The following AGMO variants were observed in gnomAD, a reference collection of about 807,000 sequenced individuals.
AGMO encodes alkylglycerol monooxygenase.
In AGMO, 75 loss-of-function variants were observed where a neutral mutation model predicts 60.2. That is an observed-to-expected ratio of 1.25 (90% CI 1.03 to 1.51). The LOEUF is 1.51. Among genes scored for constraint, AGMO ranks in the 40% most tolerant of loss-of-function variants. The pLI, the probability that AGMO is intolerant of heterozygous loss-of-function variation, is 0.00. For synonymous variants in AGMO, 261 were observed against 177.1 expected (o/e 1.47, Z -3.76); for missense variants, 763 against 525.5 (o/e 1.45, Z -4.42).
chr7:15,357,225 G>GTGTC (rs962770210), intron 12 of AGMO, among the ~76,000 whole-genome samples: 3 of 147,614 alleles, frequency 2.0e-5, no homozygotes, highest in African/African-American at 7.6e-5. Context: ...GTGTGTGTGT[G>GTGTC]TGTTTCACCT....
At chr7:15,252,941 T>G (rs1782981256) in intron 12 of AGMO, among the ~76,000 whole-genome samples, 1 of 152,172 alleles carries the variant, frequency 6.6e-6, no homozygotes, top group Admixed American at 6.5e-5. Context: ...ATCCACTATG[T>G]CAAATGCTGG....
Position 15,360,612 on chromosome 7 carries a change from G to C in AGMO, c.1263+4902C>G, listed in dbSNP as rs544935479. Among the ~76,000 whole-genome samples the C allele has an allele frequency of 2.0e-5, 3 of 152,194 alleles. No homozygotes were observed. In the South Asian group the frequency reaches 6.2e-4, roughly 32 times the overall value. On this transcript the variant is annotated intron_variant, in intron 12 of 12. Transcript: ENST00000342526. ...AGGAGGAAGAGGTGGGTTTGGCCTT[G>C]CTATCTCAGGAGTGGCAGAGGTTGG...
intron 3 of AGMO, among the ~76,000 whole-genome samples, chr7:15,495,729 G>C (rs1783204019): frequency 2.0e-5 from 3 of 152,004 alleles, no homozygotes; most frequent in African/African-American, 7.2e-5. Flanking sequence ...AGATTTGGTT[G>C]CTAGTAAGGC....
intron 12 of AGMO, among the ~76,000 whole-genome samples, chr7:15,261,177 A>G (rs1166147766): frequency 6.6e-5 from 10 of 152,098 alleles, no homozygotes; most frequent in Non-Finnish European, 1.5e-4. Flanking sequence ...GAACTAAATG[A>G]AATTGAAACA....
At chr7:15,480,659 G>A (rs1404336062) in intron 3 of AGMO, among the ~76,000 whole-genome samples, 1 of 152,092 alleles carries the variant, frequency 6.6e-6, no homozygotes, top group East Asian at 1.9e-4. Context: ...AAACACGTTT[G>A]GATGAAACTT....
intron 10 of AGMO, among the ~76,000 whole-genome samples, chr7:15,371,901 G>C (rs1167360372): frequency 1.4e-5 from 2 of 145,834 alleles, no homozygotes; most frequent in Non-Finnish European, 3.0e-5. Flanking sequence ...TCAATCAATA[G>C]TTTAATATTA....
chr7:15,454,746 A>C (rs1223848968), intron 3 of AGMO, among the ~76,000 whole-genome samples: 1 of 151,930 alleles, frequency 6.6e-6, no homozygotes, highest in Non-Finnish European at 1.5e-5. Flanking sequence ...AAAAGCTTTG[A>C]CTCTTCTATC....
chr7:15,372,435 G>T lies in AGMO; in HGVS notation c.1075-6213C>A, dbSNP rs562136238. 1.2e-3 allele frequency among the ~76,000 whole-genome samples: 178 copies of T among 152,172 alleles called. 1 individual carries two copies. The highest frequency in any genetic ancestry group is 4.2e-3 in the African/African-American group (175 of 41,526). ...CATGCCATTGCACTCCAGCCTGTGC[G>T]TCACAGCGAGACTCTGTCTCAAAAA... On this transcript the variant is annotated intron_variant, in intron 10 of 12. Transcript: ENST00000342526.
At chr7:15,392,331 A>G (rs1435551666) in intron 6 of AGMO, among the ~76,000 whole-genome samples, 2 of 138,670 alleles carry the variant, frequency 1.4e-5, no homozygotes, top group African/African-American at 5.6e-5. Context: ...TCCGCCTCCC[A>G]AAGTGTTGGG....
At chr7:15,163,306 C>T in the AGMO span, among the ~76,000 whole-genome samples, 1 of 152,080 alleles carries the variant, frequency 6.6e-6, no homozygotes, top group Admixed American at 6.6e-5. Flanking sequence ...AATTTGCATG[C>T]TTTTTATTTC....
chr7:15,540,682 C>G (rs541600825), intron 3 of AGMO, among the ~76,000 whole-genome samples: 6 of 152,116 alleles, frequency 3.9e-5, no homozygotes, highest in African/African-American at 1.4e-4. Flanking sequence ...GACACTGATA[C>G]AGTTAAAAAC....
chr7:15,556,173 C>T (rs1455764385), intron 2 of AGMO, among the ~76,000 whole-genome samples: 1 of 150,314 alleles, frequency 6.7e-6, no homozygotes, highest in African/African-American at 2.4e-5. Flanking sequence ...GGCCCCACCC[C>T]AAAGAGTCAA....
At chr7:15,247,661 A>G (rs1446932655) in intron 12 of AGMO, among the ~76,000 whole-genome samples, 1 of 152,222 alleles carries the variant, frequency 6.6e-6, no homozygotes, top group Non-Finnish European at 1.5e-5. Context: ...AAAGAAAAGG[A>G]GCATATTCTG....
At chr7:15,391,524 A>G (rs10240457) in intron 6 of AGMO, among the ~76,000 whole-genome samples, 82,565 of 151,950 alleles carry the variant, frequency 0.54, 23,002 homozygotes, top group African/African-American at 0.67. Context: ...AAGTAGACAT[A>G]ATGATATCCA....
At chr7:15,402,283 C>T (rs1413167783) in intron 5 of AGMO, among the ~76,000 whole-genome samples, 1 of 151,898 alleles carries the variant, frequency 6.6e-6, no homozygotes. Flanking sequence ...TGTTCCTCCT[C>T]CTCCTCTTTT....
chr7:15,245,156 T>C (rs1050245535), intron 12 of AGMO, among the ~76,000 whole-genome samples: 3 of 152,200 alleles, frequency 2.0e-5, no homozygotes, highest in African/African-American at 7.2e-5. Flanking sequence ...TAGGGTATTG[T>C]ACATTATATG....
intron 3 of AGMO, among the ~76,000 whole-genome samples, chr7:15,539,587 T>C (rs1173426978): frequency 1.3e-5 from 2 of 152,240 alleles, no homozygotes; most frequent in African/African-American, 4.8e-5. Flanking sequence ...TTGTGAATAG[T>C]GCTGCATTGA....
intron 12 of AGMO, among the ~76,000 whole-genome samples, chr7:15,363,141 G>T (rs985323448): frequency 6.6e-6 from 1 of 152,186 alleles, no homozygotes. Flanking sequence ...CTATTTTACA[G>T]TTGAACAACC....
At chr7:15,311,497 T>A (rs998490888) in intron 12 of AGMO, among the ~76,000 whole-genome samples, 5 of 151,266 alleles carry the variant, frequency 3.3e-5, no homozygotes, top group South Asian at 2.1e-4. Context: ...AAAAAAAAAA[T>A]TTCAAGAAGC....
Sources: allele counts gnomAD v4.1 joint callset (sites outside exome capture counted in the v4.1 genomes callset), GRCh38; gene constraint gnomAD v4.1.1; transcripts MANE v1.5; gene names NCBI Gene and HGNC (gene_info 2026-07-23, HGNC 2026-07-21).